The following SCN11A variants were observed in gnomAD, a reference collection of about 807,000 sequenced individuals.
The protein encoded by SCN11A is sodium channel protein type 11 subunit alpha.
In SCN11A, 122 loss-of-function variants were observed where a neutral mutation model predicts 162.2. The ratio of observed to expected loss-of-function variants is 0.75; its 90% confidence interval spans 0.65 to 0.87. The LOEUF (loss-of-function observed/expected upper bound fraction) is 0.87. Ranked by LOEUF, SCN11A falls within the 40% of genes least tolerant of loss-of-function variation. The pLI, the probability that SCN11A is intolerant of heterozygous loss-of-function variation, is 0.00. For synonymous variants in SCN11A, 758 were observed against 751.5 expected (o/e 1.01, Z -0.14); for missense variants, 2,015 against 2,181.6 (o/e 0.92, Z 1.52).
intron 1 of SCN11A, among the ~76,000 whole-genome samples, chr3:39,039,898 C>A (rs1183860570): frequency 6.6e-6 from 1 of 152,186 alleles, no homozygotes; most frequent in Non-Finnish European, 1.5e-5. Flanking sequence ...TGCCAGCAAC[C>A]CTGCCCCATC....
intron 10 of SCN11A, among the ~76,000 whole-genome samples, chr3:38,920,870 T>C (rs543956417): frequency 1.6e-4 from 25 of 152,004 alleles, no homozygotes; most frequent in African/African-American, 5.1e-4. Flanking sequence ...GTGGATGTGG[T>C]TTCAAGACTT....
chr3:38,959,069 C>T (rs2066715468), intron 3 of SCN11A, among the ~76,000 whole-genome samples: 1 of 152,200 alleles, frequency 6.6e-6, no homozygotes, highest in South Asian at 2.1e-4. Flanking sequence ...ATGTTTCCAA[C>T]TGCTCACCTG....
intron 1 of SCN11A, among the ~76,000 whole-genome samples, chr3:39,039,427 C>G (rs186879172): frequency 6.6e-6 from 1 of 152,142 alleles, no homozygotes; most frequent in Non-Finnish European, 1.5e-5. Context: ...CGGCATGGTA[C>G]CATTTTGGGA....
In SCN11A at chr3:38,984,935, T is replaced by C. The variant is rs542390374; in HGVS notation, c.-279-24512A>G. ...CATTCAAGGGCAGTGAGGAGGCCAG[T>C]GTGACTAGAGTTGAGTGAATGAGCA... On this transcript the variant is annotated intron_variant, in intron 2 of 29. Coordinates refer to ENST00000302328, the MANE Select transcript of SCN11A (RefSeq NM_001349253.2). 1.5e-4 allele frequency among the ~76,000 whole-genome samples: 22 copies of C among 151,282 alleles called. No homozygotes were observed. In the South Asian group the frequency reaches 3.3e-3, roughly 23 times the overall value.
chr3:38,913,593 T>A (rs544447758), intron 11 of SCN11A, among the ~76,000 whole-genome samples: 1 of 152,220 alleles, frequency 6.6e-6, no homozygotes, highest in East Asian at 1.9e-4. Flanking sequence ...AGAATGGTAT[T>A]GCATAGGTTG....
chr3:38,930,098 C>T (rs1458130902), intron 7 of SCN11A, among the ~76,000 whole-genome samples: 2 of 152,152 alleles, frequency 1.3e-5, no homozygotes, highest in Non-Finnish European at 2.9e-5. Context: ...ACTGAGTCTG[C>T]AAGCACAAAC....
At chr3:38,895,601 T>C (rs1042545785) in intron 18 of SCN11A, among the ~76,000 whole-genome samples, 1 of 152,198 alleles carries the variant, frequency 6.6e-6, no homozygotes, top group Admixed American at 6.5e-5. Flanking sequence ...CCTCCTCAAA[T>C]TCCTTTGTTT....
intron 14 of SCN11A, among the ~76,000 whole-genome samples, chr3:38,906,098 T>C: frequency 6.6e-6 from 1 of 152,200 alleles, no homozygotes; most frequent in Non-Finnish European, 1.5e-5. Flanking sequence ...GAACTGATCA[T>C]AGCAGTGGAT....
rs2066649314 is a variant in SCN11A, at chr3:38,953,778, A to T, written c.-138-19T>A. The stretch of plus-strand genomic sequence containing the variant: ...GGGGAACCTGCAAGTGGAGAGAACC[A>T]AAAGGCACTCGAATATAGGGAAATC... On this transcript the variant is annotated intron_variant, in intron 3 of 29. Coordinates refer to ENST00000302328, the MANE Select transcript of SCN11A (RefSeq NM_001349253.2). 6.6e-6 allele frequency among the ~76,000 whole-genome samples: 1 copy of T among 152,216 alleles called. No individual in the cohort carries two copies. The highest frequency in any genetic ancestry group is 6.5e-5 in the Admixed American group (1 of 15,280).
At chr3:38,955,817 T>C (rs1250500808) in intron 3 of SCN11A, among the ~76,000 whole-genome samples, 1 of 152,234 alleles carries the variant, frequency 6.6e-6, no homozygotes, top group African/African-American at 2.4e-5. Context: ...AAAAGCAGGA[T>C]GCATGGAATC....
intron 2 of SCN11A, among the ~76,000 whole-genome samples, chr3:38,968,364 G>A (rs998501753): frequency 2.6e-5 from 4 of 152,238 alleles, no homozygotes; most frequent in Admixed American, 2.6e-4. Flanking sequence ...AGAGATGGAG[G>A]TCAGGCAGCT....
In SCN11A at chr3:38,862,703, G is replaced by A. The variant is rs540578475; in HGVS notation, c.4056+492C>T. 4.6e-5 allele frequency among the ~76,000 whole-genome samples: 7 copies of A among 152,230 alleles called. No individual in the cohort carries two copies. In the East Asian group the frequency reaches 1.4e-3, roughly 29 times the overall value. On this transcript the variant is annotated intron_variant, in intron 28 of 29. Transcript: ENST00000302328. ...AGGACCTAAGCTGTGAGGACATAAA[G>A]GCATAAGAATGATATAATGGACTTC...
At chr3:39,010,553 T>A (rs2031102981) in intron 2 of SCN11A, among the ~76,000 whole-genome samples, 1 of 152,066 alleles carries the variant, frequency 6.6e-6, no homozygotes, top group African/African-American at 2.4e-5. Context: ...TAATTTTTTG[T>A]ATTTTTAGTA....
intron 23 of SCN11A, among the ~76,000 whole-genome samples, chr3:38,874,398 G>T (rs1464550287): frequency 6.6e-6 from 1 of 152,152 alleles, no homozygotes; most frequent in East Asian, 1.9e-4. Context: ...AGGAGTCTGA[G>T]ACCAGCCTGG....
intron 28 of SCN11A, among the ~76,000 whole-genome samples, chr3:38,851,227 C>A (rs1338848817): frequency 6.6e-6 from 1 of 152,050 alleles, no homozygotes; most frequent in Non-Finnish European, 1.5e-5. Context: ...GCTCCATTTG[C>A]CAATTCACAA....
At chr3:39,042,030 A>G (rs1009741733) in intron 1 of SCN11A, among the ~76,000 whole-genome samples, 1 of 152,154 alleles carries the variant, frequency 6.6e-6, no homozygotes, top group Non-Finnish European at 1.5e-5. Flanking sequence ...GCACTTTGGG[A>G]GGCTGAGGCA....
intron 28 of SCN11A, among the ~76,000 whole-genome samples, chr3:38,860,406 C>G (rs2064944791): frequency 6.6e-6 from 1 of 151,982 alleles, no homozygotes; most frequent in Non-Finnish European, 1.5e-5. Flanking sequence ...GCCAGTATCA[C>G]CCTAATACCA....
chr3:38,969,852 T>C (rs1283538349), intron 2 of SCN11A, among the ~76,000 whole-genome samples: 1 of 152,230 alleles, frequency 6.6e-6, no homozygotes, highest in Non-Finnish European at 1.5e-5. Context: ...CAAAGTCTAG[T>C]CTTAAGAAGG....
intron 2 of SCN11A, among the ~76,000 whole-genome samples, chr3:39,012,444 CTCTT>C (rs1054300531): frequency 5.3e-5 from 8 of 149,568 alleles, no homozygotes; most frequent in African/African-American, 1.5e-4. Context: ...CTTTCTCTCT[CTCTT>C]TCTCTCTTTC....
Sources: gnomAD v4.1 joint callset for allele counts (sites outside exome capture counted in the v4.1 genomes callset) on GRCh38, gnomAD v4.1.1 for gene constraint, MANE v1.5 for transcripts, NCBI Gene and HGNC (gene_info 2026-07-23, HGNC 2026-07-21) for gene names.